The following SLC24A2 variants were observed in gnomAD, a reference collection of about 807,000 sequenced individuals.
SLC24A2 encodes the protein sodium/potassium/calcium exchanger 2.
Under a neutral mutation model 62.0 loss-of-function variants are expected in SLC24A2, and 36 were observed. The ratio of observed to expected loss-of-function variants is 0.58; its 90% CI spans 0.44 to 0.77. The LOEUF (loss-of-function observed/expected upper bound fraction) is 0.77. SLC24A2 is among the 30% of genes least tolerant of loss of function. The pLI is 0.00. For missense variants in SLC24A2, 846 were observed against 817.9 expected (o/e 1.03, Z -0.42); for synonymous variants, 358 against 294.0 (o/e 1.22, Z -2.23).
chr9:20,231,486 C>T, the SLC24A2 span, among the ~76,000 whole-genome samples: 1 of 152,098 alleles, frequency 6.6e-6, no homozygotes, highest in East Asian at 1.9e-4. Context: ...ATTTTATTCT[C>T]TTTGAAGCAA....
chr9:20,078,012 G>A, the SLC24A2 span, among the ~76,000 whole-genome samples: 2 of 143,504 alleles, frequency 1.4e-5, no homozygotes, highest in Non-Finnish European at 3.1e-5. Context: ...GTGAGGAGGG[G>A]CACAGGGTGG....
At chr9:19,996,531 G>C in the SLC24A2 span, among the ~76,000 whole-genome samples, 1 of 152,086 alleles carries the variant, frequency 6.6e-6, no homozygotes, top group Non-Finnish European at 1.5e-5. Context: ...CCTGAGGTCA[G>C]GAGTTCAAGA....
intron 4 of SLC24A2, among the ~76,000 whole-genome samples, chr9:19,598,350 T>G (rs894875283): frequency 1.3e-5 from 2 of 152,182 alleles, no homozygotes. Context: ...AAACTTAAAA[T>G]TGATGGGTTT....
chr9:19,690,322 C>T (rs181403270), intron 2 of SLC24A2, among the ~76,000 whole-genome samples: 6 of 152,206 alleles, frequency 3.9e-5, no homozygotes, highest in Non-Finnish European at 7.4e-5. Context: ...CTCGGCTTCA[C>T]GAGGATGCAT....
chr9:19,592,735 T>A (rs970126662), intron 5 of SLC24A2, among the ~76,000 whole-genome samples: 2 of 152,236 alleles, frequency 1.3e-5, no homozygotes, highest in African/African-American at 4.8e-5. Context: ...AAGAGCCACG[T>A]TCAATTTATT....
chr9:19,848,074 T>C, the SLC24A2 span, among the ~76,000 whole-genome samples: 1 of 152,242 alleles, frequency 6.6e-6, no homozygotes, highest in East Asian at 1.9e-4. Flanking sequence ...TCAGACTGTG[T>C]CATAATTTCT....
At chr9:19,654,974 T>C (rs1345328945) in intron 2 of SLC24A2, among the ~76,000 whole-genome samples, 1 of 152,192 alleles carries the variant, frequency 6.6e-6, no homozygotes, top group Non-Finnish European at 1.5e-5. Context: ...CCACTTTCCT[T>C]ACAAATACTC....
the SLC24A2 span, among the ~76,000 whole-genome samples, chr9:20,159,080 T>C: frequency 7.9e-5 from 12 of 151,652 alleles, no homozygotes; most frequent in East Asian, 2.0e-4. Flanking sequence ...CACTGAGAGA[T>C]TGCATTTTCA....
Position 19,575,727 on chromosome 9 carries a change from T to TAGG in SLC24A2, c.1228+1194_1228+1196dup, listed in dbSNP as rs549254265. On this transcript the variant is annotated intron_variant, in intron 6 of 10. Coordinates refer to ENST00000341998, the MANE Select transcript of SLC24A2 (RefSeq NM_020344.4). ...TCCAAGTCTAAGGTTGGCCAGTCAT[T>TAGG]AGGAGGAGGAGGACTGCGACTGAGC... Among the ~76,000 whole-genome samples, 45 of 152,214 alleles carry TAGG rather than the reference T, an allele frequency of 3.0e-4. No homozygotes were observed. The South Asian group carries it at 8.7e-3, about 29-fold the overall frequency.
At chr9:20,092,080 G>A in the SLC24A2 span, among the ~76,000 whole-genome samples, 8 of 152,208 alleles carry the variant, frequency 5.3e-5, no homozygotes, top group South Asian at 1.7e-3. Context: ...AACAGACCCT[G>A]GGGCCTACTT....
chr9:19,557,365 G>GC lies in SLC24A2; in HGVS notation c.1348-7098dup, dbSNP rs536274281. Among the ~76,000 whole-genome samples the GC allele has an allele frequency of 7.2e-5, 11 of 152,324 alleles. No homozygotes were observed. The East Asian group carries it at 2.1e-3, about 29-fold the overall frequency. ...AAAGAGAAGCAAACCTTCTTGGAAGGCCTGGGGGTGTTTTACAAAGCTTTG... is the reference window on the plus strand; with the variant it reads ...AAAGAGAAGCAAACCTTCTTGGAAGGCCCTGGGGGTGTTTTACAAAGCTTTG... On this transcript the variant is annotated intron_variant, in intron 7 of 10. Coordinates refer to ENST00000341998, the MANE Select transcript of SLC24A2 (RefSeq NM_020344.4).
intron 2 of SLC24A2, among the ~76,000 whole-genome samples, chr9:19,636,286 C>CTTCTTTTCTT (rs1207223868): frequency 0.012 from 1,082 of 87,952 alleles, 69 homozygotes; most frequent in Non-Finnish European, 0.015. Flanking sequence ...CTCTTCTTCT[C>CTTCTTTTCTT]TTCTTTTCTT....
the SLC24A2 span, among the ~76,000 whole-genome samples, chr9:19,912,039 T>G: frequency 1.3e-5 from 2 of 152,160 alleles, no homozygotes; most frequent in African/African-American, 4.8e-5. Context: ...AAGCTTTCTT[T>G]TAAAGCCACT....
rs369871779 is a variant in SLC24A2 at position 19,556,642 on chromosome 9, G to A, written c.1348-6374C>T. ...AGTGAAGTTCTTACATCTCTCCCCCGGCTCACTGTAACACTTAGGAGTGCT... is the reference window on the plus strand; with the variant it reads ...AGTGAAGTTCTTACATCTCTCCCCCAGCTCACTGTAACACTTAGGAGTGCT... On this transcript the variant is annotated intron_variant, in intron 7 of 10. Transcript: ENST00000341998. Among the ~76,000 whole-genome samples the A allele has an allele frequency of 2.2e-4, 33 of 152,106 alleles. 1 individual carries two copies. The highest frequency in any genetic ancestry group is 6.8e-4 in the African/African-American group (28 of 41,406).
At chr9:20,295,108 G>T in the SLC24A2 span, among the ~76,000 whole-genome samples, 1 of 151,382 alleles carries the variant, frequency 6.6e-6, no homozygotes, top group Non-Finnish European at 1.5e-5. Context: ...GCAACCTCAA[G>T]AGATACAGTC....
intron 2 of SLC24A2, among the ~76,000 whole-genome samples, chr9:19,762,187 C>G (rs1188746992): frequency 1.3e-5 from 2 of 151,960 alleles, no homozygotes; most frequent in Non-Finnish European, 2.9e-5. Flanking sequence ...TGTTGAAGTT[C>G]CTTGTAGATT....
rs1460571518 is a variant in SLC24A2, at chr9:19,508,138, G to A, written c.*8015C>T. On this transcript the variant is annotated 3_prime_UTR_variant, in exon 11 of 11. Coordinates refer to ENST00000341998, the MANE Select transcript of SLC24A2 (RefSeq NM_020344.4). ...GTATGTGGATTGCTTGATGGTGGAA[G>A]CTGTTGCTTCCGGAGTTTTTTGACT... 1 of 152,210 alleles carries A rather than the reference G, an allele frequency of 6.6e-6. No homozygotes were observed. The highest frequency in any genetic ancestry group is 1.5e-5 in the Non-Finnish European group (1 of 68,052). The allele number at this position is 152,210 out of a possible 1,614,324, so 9.4% of individuals were successfully genotyped here.
chr9:19,961,929 A>G, the SLC24A2 span, among the ~76,000 whole-genome samples: 1 of 152,360 alleles, frequency 6.6e-6, no homozygotes, highest in South Asian at 2.1e-4. Context: ...ACCCTGAACC[A>G]GAACCACCCA....
At chr9:20,058,636 C>T in the SLC24A2 span, among the ~76,000 whole-genome samples, 2 of 152,144 alleles carry the variant, frequency 1.3e-5, no homozygotes, top group Non-Finnish European at 1.5e-5. Context: ...CAAATACAGG[C>T]TGCATGTAGA....
Sources: gnomAD v4.1 joint callset for allele counts (sites outside exome capture counted in the v4.1 genomes callset) on GRCh38, gnomAD v4.1.1 for gene constraint, MANE v1.5 for transcripts, NCBI Gene and HGNC (gene_info 2026-07-23, HGNC 2026-07-21) for gene names.